The following ZNF383 variants were observed in gnomAD, a reference collection of about 807,000 sequenced individuals.
ZNF383 encodes the protein zinc finger protein 383.
A neutral mutation model predicts 44.2 loss-of-function variants in ZNF383; 32 were observed. The ratio of observed to expected loss-of-function variants is 0.72; its 90% CI spans 0.55 to 0.97. The LOEUF (loss-of-function observed/expected upper bound fraction) is 0.97. Among genes scored for constraint, ZNF383 ranks in the 50% least tolerant of loss-of-function variants. ZNF383 has a pLI of 0.00. For missense variants in ZNF383, 487 were observed against 562.5 expected (o/e 0.87, Z 1.36); for synonymous variants, 155 against 186.2 (o/e 0.83, Z 1.36).
chr19:37,234,645 C>A (rs1251575542), intron 3 of ZNF383, among the ~76,000 whole-genome samples: 1 of 152,140 alleles, frequency 6.6e-6, no homozygotes, highest in Non-Finnish European at 1.5e-5. Flanking sequence ...CCGCCTTGGC[C>A]TCCCAAAATG....
Position 37,242,773 on chromosome 19 carries a change from T to C in ZNF383, c.537T>C (p.Phe179=). ...AATGTAAGAAATGTGGAAAGGCCTT[T>C]AGTCAGAACTCACAATTTATTCAAC... ...PYECKKCGKA[F]SQNSQFIQHQ... is the part of the protein sequence containing the mutation. The change falls in exon 6 of 6, where the codon TTT becomes TTC. Residue 179 remains phenylalanine, a synonymous_variant. Coordinates refer to ENST00000684119, the MANE Select transcript of ZNF383 (RefSeq NM_001387601.1). The C allele has an allele frequency of 1.3e-5, 21 of 1,614,116 alleles. No homozygotes were observed. Among genetic ancestry groups the C allele is most frequent in the Non-Finnish European group, 1.8e-5 (21 of 1,179,990 alleles).
intron 5 of ZNF383, among the ~76,000 whole-genome samples, chr19:37,238,350 A>C (rs1791307061): frequency 1.3e-5 from 2 of 150,166 alleles, no homozygotes; most frequent in Middle Eastern, 3.6e-3. Flanking sequence ...CATGTAACTA[A>C]TATATTGGTA....
In ZNF383 at chr19:37,243,228, T is replaced by C. The variant is rs372810318; in HGVS notation, c.992T>C (p.Ile331Thr). 1 of 1,614,180 alleles carries C rather than the reference T, an allele frequency of 6.2e-7. No homozygotes were observed. The highest frequency in any genetic ancestry group is 8.5e-7 in the Non-Finnish European group (1 of 1,180,020). ...QSSKLVQHQR[I>T]HTGEKPYECK... ...TCAAAGCTTGTTCAACATCAGAGAA[T>C]TCATACTGGTGAGAAACCCTATGAG... The change falls in exon 6 of 6, where the codon ATT becomes ACT. Residue 331 changes from isoleucine (I) to threonine (T), a missense_variant. Transcript: ENST00000684119.
intron 4 of ZNF383, 76 bp from the exon 5 acceptor site, chr19:37,235,903 C>T (rs182721670): frequency 8.0e-6 from 11 of 1,368,088 alleles, no homozygotes; most frequent in Non-Finnish European, 1.1e-5. Context: ...AGTGGCATCT[C>T]TTCCTGTGAT....
rs974519972 is a variant in ZNF383 at position 37,245,265 on chromosome 19, A to T, written c.*1601A>T. 2 of 152,046 alleles carry T rather than the reference A, an allele frequency of 1.3e-5. No homozygotes were observed. The highest frequency in any genetic ancestry group is 4.8e-5 in the African/African-American group (2 of 41,416). The allele number at this position is 152,046 out of a possible 1,614,324, so 9.4% of individuals were successfully genotyped here. A position where few individuals can be genotyped will look rare whatever the true frequency, so the allele number is the denominator to read the frequency against. On this transcript the variant is annotated 3_prime_UTR_variant, in exon 6 of 6. Transcript: ENST00000684119. ...ACTCCAGCCTGGGGGACAGAGTGAG[A>T]TTCCGTCTCAAAAAAACACAAAAAC...
chr19:37,220,797 A>G (rs924485174), intron 1 of ZNF383, among the ~76,000 whole-genome samples: 2 of 152,102 alleles, frequency 1.3e-5, no homozygotes, highest in African/African-American at 4.8e-5. Context: ...ACTTTTTAAA[A>G]AAAGTTTTGT....
intron 3 of ZNF383, among the ~76,000 whole-genome samples, chr19:37,233,427 G>A (rs371110187): frequency 6.1e-5 from 9 of 147,062 alleles, no homozygotes; most frequent in East Asian, 6.1e-4. Context: ...CACTGCGCCC[G>A]GCTGTTTTTA....
At chr19:37,242,026 A>T (rs370741917) in intron 5 of ZNF383, among the ~76,000 whole-genome samples, 8 of 1,922 alleles carry the variant, frequency 4.2e-3, no homozygotes, top group Non-Finnish European at 1.1e-3. Context: ...ATATACTATA[A>T]AGATACTATA....
rs375831943 is a variant in ZNF383, at chr19:37,243,225, G to T, written c.989G>T (p.Arg330Ile). ...AGCTCAAAGCTTGTTCAACATCAGA[G>T]AATTCATACTGGTGAGAAACCCTAT... The part of the protein sequence containing the change: ...TQSSKLVQHQ[R>I]IHTGEKPYEC... Residue 330 changes from arginine (R) to isoleucine (I), a missense_variant, in exon 6 of 6, where the codon AGA becomes ATA. Arg to Ile is a moderately conservative substitution (Grantham distance 97). Transcript: ENST00000684119. 2.5e-6 allele frequency: 4 copies of T among 1,614,060 alleles called. No homozygotes were observed. In the African/African-American group the frequency reaches 5.3e-5, roughly 22 times the overall value.
At chr19:37,238,705 C>T (rs1306563941) in intron 5 of ZNF383, among the ~76,000 whole-genome samples, 2 of 152,090 alleles carry the variant, frequency 1.3e-5, no homozygotes, top group Non-Finnish European at 2.9e-5. Flanking sequence ...ATGCTGGGTG[C>T]AGGTCAGGAT....
intron 1 of ZNF383, among the ~76,000 whole-genome samples, chr19:37,223,538 T>A (rs537304826): frequency 2.6e-5 from 4 of 152,004 alleles, no homozygotes; most frequent in Admixed American, 6.6e-5. Context: ...TTTCTAAATT[T>A]AAAAAAACAA....
chr19:37,223,682 T>A (rs1973028554), intron 1 of ZNF383, among the ~76,000 whole-genome samples: 1 of 152,032 alleles, frequency 6.6e-6, no homozygotes, highest in Admixed American at 6.6e-5. Context: ...ATACCAAAAT[T>A]ATGTTTCTAA....
In ZNF383 at chr19:37,242,478, C is replaced by T. The variant is rs146590296; in HGVS notation, c.242C>T (p.Ser81Leu). 77 of 1,572,482 alleles carry T rather than the reference C, an allele frequency of 4.9e-5. No homozygotes were observed. The highest frequency in any genetic ancestry group is 4.2e-4 in the African/African-American group (31 of 73,508). The change falls in exon 6 of 6, where the codon TCG becomes TTG. Residue 81 changes from serine to leucine, a missense_variant. Transcript: ENST00000684119. ...LTRGLCSDLE[S>L]MCETKLLSLK... is the part of the protein sequence containing the mutation. ...TTTTATTTTCTTTCAGATCTGGAAT[C>T]GATGTGTGAAACCAAGTTATTATCT...
chr19:37,246,623 A>T lies in ZNF383; in HGVS notation c.*2959A>T, dbSNP rs886495430. 6.6e-6 allele frequency: 1 copy of T among 150,756 alleles called. No homozygotes were observed. Among genetic ancestry groups the T allele is most frequent in the African/African-American group, 2.5e-5 (1 of 40,252 alleles). The allele number at this position is 150,756 out of a possible 1,614,324, so 9.3% of individuals were successfully genotyped here. ...CCGTCTCTACTAAAAATACAAAAAA[A>T]ACAAAAACAAAAACAAATAGCCAGG... is the stretch of plus-strand genomic sequence containing the variant. On this transcript the variant is annotated 3_prime_UTR_variant, in exon 6 of 6. Transcript: ENST00000684119.
Position 37,243,604 on chromosome 19 carries a change from G to A in ZNF383, c.1368G>A (p.Gly456=). 1.2e-6 allele frequency: 2 copies of A among 1,607,182 alleles called. No individual in the cohort carries two copies. Among genetic ancestry groups the A allele is most frequent in the Non-Finnish European group, 1.7e-6 (2 of 1,175,756 alleles). ...AGCCCTATAACTGTAAGGAATGTGG[G>A]AAGGCTTTTAGTAGTGGCTCGGATC... ...GEKPYNCKEC[G]KAFSSGSDLI... is the part of the protein sequence containing the mutation. Residue 456 remains glycine, a synonymous_variant, in exon 6 of 6, where the codon GGG becomes GGA. Coordinates refer to ENST00000684119, the MANE Select transcript of ZNF383 (RefSeq NM_001387601.1).
Position 37,243,299 on chromosome 19 carries a change from AATC to A in ZNF383, c.1068_1070del (p.His356del). ...CTTTAGTAGTGGCTCAGCACTTACTAATCATCAGAGAATTCACACTGGTGAGAA... is the reference window on the plus strand; with the variant it reads ...CTTTAGTAGTGGCTCAGCACTTACTAATCAGAGAATTCACACTGGTGAGAA... On this transcript the variant is annotated inframe_deletion, in exon 6 of 6. Coordinates refer to ENST00000684119, the MANE Select transcript of ZNF383 (RefSeq NM_001387601.1). The A allele has an allele frequency of 6.2e-7, 1 of 1,613,886 alleles. No individual in the cohort carries two copies. Among genetic ancestry groups the A allele is most frequent in the South Asian group, 1.1e-5 (1 of 91,052 alleles).
chr19:37,238,893 T>C (rs920277836), intron 5 of ZNF383, among the ~76,000 whole-genome samples: 1 of 152,184 alleles, frequency 6.6e-6, no homozygotes, highest in Non-Finnish European at 1.5e-5. Context: ...AGGGAGTCCA[T>C]GAACTTGGAT....
In ZNF383 at chr19:37,243,407, G is replaced by A. The variant is rs1414132122; in HGVS notation, c.1171G>A (p.Glu391Lys). The change falls in exon 6 of 6, where the codon GAG (glutamate) becomes AAG (lysine). Residue 391 changes from glutamate to lysine, a missense_variant. By Grantham distance (56) the Glu-to-Lys change is moderately conservative. Transcript: ENST00000684119. ...LRQHQRIHAG[E>K]KPFECLECGK... is the part of the protein sequence containing the mutation. ...TCAACATCAGAGAATTCACGCTGGT[G>A]AGAAACCCTTTGAATGTCTTGAATG... is the stretch of plus-strand genomic sequence containing the variant. 1.2e-5 allele frequency: 19 copies of A among 1,613,812 alleles called. No homozygotes were observed. Among genetic ancestry groups the A allele is most frequent in the Non-Finnish European group, 1.6e-5 (19 of 1,179,980 alleles).
intron 1 of ZNF383, chr19:37,219,250 C>T (rs1972807889): frequency 6.5e-6 from 1 of 152,722 alleles, no homozygotes; most frequent in South Asian, 2.1e-4. Flanking sequence ...CTACACTTCT[C>T]TGTTTTTGTT....
Sources: gnomAD v4.1 joint callset for allele counts (sites outside exome capture counted in the v4.1 genomes callset) on GRCh38, gnomAD v4.1.1 for gene constraint, MANE v1.5 for transcripts, NCBI Gene and HGNC (gene_info 2026-07-23, HGNC 2026-07-21) for gene names.